The following BAZ2B variants were observed in gnomAD, a reference collection of about 807,000 sequenced individuals.
BAZ2B encodes the protein bromodomain adjacent to zinc finger domain 2B.
In BAZ2B, 91 loss-of-function variants were observed where a neutral mutation model predicts 246.0. That is an observed-to-expected ratio of 0.37 (90% CI 0.31 to 0.44). BAZ2B has a LOEUF of 0.44. BAZ2B is among the 20% of genes least tolerant of loss of function. BAZ2B has a pLI of 1.00. For synonymous variants in BAZ2B, 855 were observed against 860.0 expected (o/e 0.99, Z 0.10); for missense variants, 2,332 against 2,533.7 (o/e 0.92, Z 1.71).
chr2:159,564,807 CTG>C (rs2090206140), intron 1 of BAZ2B, among the ~76,000 whole-genome samples: 1 of 152,150 alleles, frequency 6.6e-6, no homozygotes, highest in African/African-American at 2.4e-5. Context: ...ACATGACAAA[CTG>C]TGACAAATGC....
At chr2:159,534,342 T>G (rs1052304988) in intron 2 of BAZ2B, among the ~76,000 whole-genome samples, 2 of 152,224 alleles carry the variant, frequency 1.3e-5, no homozygotes, top group Non-Finnish European at 2.9e-5. Flanking sequence ...GGTTATATTG[T>G]ATAGCCTGTT....
At chr2:159,458,577 A>G (rs62173209) in intron 3 of BAZ2B, 11,269 of 152,428 alleles carry the variant, frequency 0.074, 551 homozygotes, top group Middle Eastern at 0.16. Flanking sequence ...TGCCCGCCTC[A>G]GCCTCCCAAA....
rs141120127 is a variant in BAZ2B at position 159,382,787 on chromosome 2, A to T, written c.3777T>A (p.His1259Gln). ...EGKLRKLRIIHAKKTGKRDTS... is the reference protein window; with the variant it reads ...EGKLRKLRIIQAKKTGKRDTS... ...TGTCTCTTTTGCCTGTTTTCTTAGC[A>T]TGAATGATTCTGAGCCTTTAAATAT... The change falls in exon 25 of 37, where the codon CAT (histidine) becomes CAA (glutamine). Residue 1259 changes from histidine (H) to glutamine (Q), a missense_variant. By Grantham distance (24) the His-to-Gln change is conservative. This residue lies in a region of BAZ2B where 328 missense variants were observed against 410.4 expected (regional missense o/e 0.80). Coordinates refer to ENST00000392783, the MANE Select transcript of BAZ2B (RefSeq NM_013450.4). 1 of 1,613,340 alleles carries T rather than the reference A, an allele frequency of 6.2e-7. No individual in the cohort carries two copies. Among genetic ancestry groups the T allele is most frequent in the Non-Finnish European group, 8.5e-7 (1 of 1,179,556 alleles).
At chr2:159,546,315 T>A (rs976985029) in intron 2 of BAZ2B, among the ~76,000 whole-genome samples, 3 of 151,222 alleles carry the variant, frequency 2.0e-5, no homozygotes, top group Non-Finnish European at 4.4e-5. Flanking sequence ...AAAACGGGAG[T>A]TTCCTTGCAC....
chr2:159,440,179 G>T (rs1429475198), intron 6 of BAZ2B, among the ~76,000 whole-genome samples: 1 of 152,074 alleles, frequency 6.6e-6, no homozygotes, highest in Non-Finnish European at 1.5e-5. Flanking sequence ...CCAATAGAAA[G>T]ACTGAAAAGG....
the BAZ2B span, among the ~76,000 whole-genome samples, chr2:159,690,553 ATAGGCTAC>A: frequency 6.6e-6 from 1 of 152,196 alleles, no homozygotes; most frequent in African/African-American, 2.4e-5. Context: ...TGCCAATTTT[ATAGGCTAC>A]TAGTTACTGA....
At chr2:159,416,167 T>G (rs73967864) in intron 13 of BAZ2B, among the ~76,000 whole-genome samples, 3,013 of 152,330 alleles carry the variant, frequency 0.02, 105 homozygotes, top group African/African-American at 0.064. Flanking sequence ...CTAATGCATA[T>G]GTTCATATAT....
intron 13 of BAZ2B, among the ~76,000 whole-genome samples, chr2:159,427,640 T>C (rs2070218899): frequency 6.6e-6 from 1 of 152,184 alleles, no homozygotes; most frequent in Non-Finnish European, 1.5e-5. Flanking sequence ...ACTAATGTTT[T>C]CCTATATTTC....
At chr2:159,388,519 G>A (rs1474486173) in intron 21 of BAZ2B, among the ~76,000 whole-genome samples, 1 of 152,120 alleles carries the variant, frequency 6.6e-6, no homozygotes, top group Non-Finnish European at 1.5e-5. Context: ...ACAAACTGGA[G>A]TTTGAATCCA....
intron 20 of BAZ2B, among the ~76,000 whole-genome samples, chr2:159,395,009 TCAAA>T (rs2063819800): frequency 6.6e-6 from 1 of 152,162 alleles, no homozygotes; most frequent in South Asian, 2.1e-4. Context: ...AGCTTCTAGA[TCAAA>T]CAGTGTCATT....
chr2:159,475,637 G>A (rs1480420535), intron 3 of BAZ2B, among the ~76,000 whole-genome samples: 4 of 152,256 alleles, frequency 2.6e-5, no homozygotes, highest in Non-Finnish European at 4.4e-5. Context: ...GAGGTGTTCC[G>A]GTTTTTGGAA....
chr2:159,652,093 T>G, the BAZ2B span, among the ~76,000 whole-genome samples: 9,626 of 152,244 alleles, frequency 0.063, 984 homozygotes, highest in African/African-American at 0.22. Context: ...ATATAATAAC[T>G]ATAATTTTCT....
At chr2:159,606,487 A>T (rs1693530401) in intron 1 of BAZ2B, among the ~76,000 whole-genome samples, 1 of 152,226 alleles carries the variant, frequency 6.6e-6, no homozygotes, top group South Asian at 2.1e-4. Flanking sequence ...TGTTAACAGT[A>T]ATACATTACC....
chr2:159,522,169 T>C (rs2084205133), intron 2 of BAZ2B, among the ~76,000 whole-genome samples: 1 of 152,102 alleles, frequency 6.6e-6, no homozygotes, highest in African/African-American at 2.4e-5. Flanking sequence ...TAAAGATTTA[T>C]GATTTAGTTA....
At chr2:159,482,676 A>C (rs1031017980) in intron 2 of BAZ2B, among the ~76,000 whole-genome samples, 1 of 152,208 alleles carries the variant, frequency 6.6e-6, no homozygotes, top group Non-Finnish European at 1.5e-5. Context: ...TACCGATATC[A>C]ATGTGGTAAG....
chr2:159,385,012 T>C, intron 23 of BAZ2B, 143 bp downstream of exon 23: 1 of 874,456 alleles, frequency 1.1e-6, no homozygotes. Flanking sequence ...TGGCCATCTC[T>C]AAATACTGAG....
intron 1 of BAZ2B, among the ~76,000 whole-genome samples, chr2:159,584,399 C>T (rs941373245): frequency 6.6e-6 from 1 of 152,098 alleles, no homozygotes; most frequent in South Asian, 2.1e-4. Context: ...GGATTACAGG[C>T]GTGAGCCACT....
chr2:159,537,367 CTGT>C (rs2086133763), intron 2 of BAZ2B, among the ~76,000 whole-genome samples: 3 of 152,216 alleles, frequency 2.0e-5, no homozygotes, highest in Non-Finnish European at 4.4e-5. Flanking sequence ...TGTGATTGAA[CTGT>C]ACATCCCCAA....
chr2:159,707,304 C>T, the BAZ2B span, among the ~76,000 whole-genome samples: 1 of 152,106 alleles, frequency 6.6e-6, no homozygotes, highest in Non-Finnish European at 1.5e-5. Context: ...AATCACAGCA[C>T]TTTGGGAGGC....
Sources: gnomAD v4.1 joint callset for allele counts (sites outside exome capture counted in the v4.1 genomes callset) on GRCh38, gnomAD v4.1.1 for gene constraint, gnomAD v4.1.1 regional missense constraint, MANE v1.5 for transcripts, NCBI Gene and HGNC (gene_info 2026-07-23, HGNC 2026-07-21) for gene names.